APBA2: variants seen among roughly 807,000 people sequenced by gnomAD.
APBA2 encodes the protein amyloid-beta A4 precursor protein-binding family A member 2.
Under a neutral mutation model 75.0 loss-of-function variants are expected in APBA2, and 30 were observed. The observed-to-expected ratio is 0.40, with a 90% confidence interval of 0.30 to 0.54. The LOEUF is 0.54. APBA2 is among the 20% of genes least tolerant of loss of function. The pLI is 0.49. For synonymous variants in APBA2, 444 were observed against 409.6 expected, an observed-to-expected ratio of 1.08 and a Z score of -1.01; for missense variants, 801 against 1,016.1, an observed-to-expected ratio of 0.79 and a Z score of 2.88.
At position 29,046,540 on chromosome 15, in the gene APBA2, T is replaced by C. The variant is rs575806998; in HGVS notation, c.-40-7305T>C. On this transcript the variant is annotated intron_variant, in intron 3 of 14. Coordinates refer to ENST00000683413, the MANE Select transcript of APBA2 (RefSeq NM_001353788.2). This position sits in a 1 kb window ranked among gnomAD's most constrained non-coding sequence, Gnocchi z 5.0. Reference sequence around the variant, plus strand: ...TGACAAGGAGGTCAGATCCATTCCCTGGGCCGTCATCAGAGACCTGCAAGC... The same window carrying C: ...TGACAAGGAGGTCAGATCCATTCCCCGGGCCGTCATCAGAGACCTGCAAGC... Among the ~76,000 whole-genome samples, 5 of 152,342 alleles carry C rather than the reference T, an allele frequency of 3.3e-5. No individual in the cohort carries two copies. In the East Asian group the frequency reaches 9.6e-4, roughly 29 times the overall value.
rs2038206383 is a variant in APBA2 at position 28,991,140 on chromosome 15, T to C, written c.-94-4613T>C. On this transcript the variant is annotated intron_variant, in intron 2 of 14. Coordinates refer to ENST00000683413, the MANE Select transcript of APBA2 (RefSeq NM_001353788.2). This position sits in a 1 kb window ranked among gnomAD's most constrained non-coding sequence, Gnocchi z 4.7. ...ATTCAGAATTTAAACATTTTACTTG[T>C]AAAGAGCACTTTGGTATCCACCCCA... 6.6e-6 allele frequency among the ~76,000 whole-genome samples: 1 copy of C among 152,194 alleles called. No individual in the cohort carries two copies. The highest frequency in any genetic ancestry group is 2.4e-5 in the African/African-American group (1 of 41,442).
At position 29,074,916 on chromosome 15, in the gene APBA2, T is replaced by C; in HGVS notation, c.952-5T>C. The C allele has an allele frequency of 1.9e-6, 3 of 1,614,086 alleles. No individual in the cohort carries two copies. Among genetic ancestry groups the C allele is most frequent in the Non-Finnish European group, 2.5e-6 (3 of 1,179,916 alleles). On this transcript the variant is annotated splice_polypyrimidine_tract_variant and splice_region_variant and intron_variant, in intron 4 of 14. Transcript: ENST00000683413. ...AATCACGATCTTTAACTTCCCCGTT[T>C]CCAGGTTTGCAATGGTCTGGAGCAG...
intron 13 of APBA2, 165 bp downstream of exon 13, chr15:29,108,554 C>G: frequency 9.1e-7 from 1 of 1,100,494 alleles, no homozygotes; most frequent in Non-Finnish European, 1.3e-6. Context: ...CTTTCCATGG[C>G]TCTCTGGGAG....
intron 4 of APBA2, among the ~76,000 whole-genome samples, chr15:29,073,659 G>A (rs1442892815): frequency 6.6e-6 from 1 of 152,190 alleles, no homozygotes; most frequent in African/African-American, 2.4e-5. Flanking sequence ...GCTGGTAAAT[G>A]TAACTTTTAT....
chr15:29,060,571 A>G (rs2042088837), intron 4 of APBA2, among the ~76,000 whole-genome samples: 1 of 152,058 alleles, frequency 6.6e-6, no homozygotes, highest in African/African-American at 2.4e-5. Context: ...TGCTGTTGAA[A>G]GGCTTGGCGT....
intron 3 of APBA2, among the ~76,000 whole-genome samples, chr15:28,996,835 C>T (rs532809087): frequency 4.6e-5 from 7 of 152,176 alleles, no homozygotes; most frequent in Non-Finnish European, 7.4e-5. Flanking sequence ...GAACACCCCC[C>T]CTGCCTGACC....
intron 1 of APBA2, among the ~76,000 whole-genome samples, chr15:28,888,547 G>C (rs972640406): frequency 6.6e-6 from 1 of 152,226 alleles, no homozygotes; most frequent in Non-Finnish European, 1.5e-5. Context: ...GACTCAACAG[G>C]TGTGGGCCTC....
chr15:28,990,167 T>C (rs1357064727), intron 2 of APBA2, among the ~76,000 whole-genome samples: 1 of 152,172 alleles, frequency 6.6e-6, no homozygotes. Context: ...GTGGGCACTT[T>C]GGGAGGCTGA....
chr15:28,888,469 A>AC (rs1315366854), intron 1 of APBA2, among the ~76,000 whole-genome samples: 10 of 151,418 alleles, frequency 6.6e-5, no homozygotes. Flanking sequence ...GGCTTCAGAG[A>AC]CCCCCTCGAG....
intron 3 of APBA2, among the ~76,000 whole-genome samples, chr15:29,030,248 G>A (rs2040421525): frequency 1.3e-5 from 2 of 152,032 alleles, no homozygotes; most frequent in South Asian, 4.1e-4. Context: ...TCACGAAATC[G>A]GGGGATAGAG....
chr15:29,034,286 C>G (rs1566929588), intron 3 of APBA2, among the ~76,000 whole-genome samples: 1 of 152,206 alleles, frequency 6.6e-6, no homozygotes, highest in African/African-American at 2.4e-5. Flanking sequence ...CTCAAAGCCC[C>G]AACCCTCTAG....
At chr15:29,104,291 A>G (rs2044288027) in intron 10 of APBA2, among the ~76,000 whole-genome samples, 1 of 152,196 alleles carries the variant, frequency 6.6e-6, no homozygotes, top group African/African-American at 2.4e-5. Context: ...GCGCATAAGG[A>G]GGGCTCACAC....
intron 6 of APBA2, among the ~76,000 whole-genome samples, chr15:29,084,955 C>G (rs1254997398): frequency 6.6e-6 from 1 of 152,076 alleles, no homozygotes; most frequent in Non-Finnish European, 1.5e-5. Context: ...CAAAAACTTT[C>G]GTACATATTT....
chr15:28,986,727 A>G (rs2037946485), intron 2 of APBA2, among the ~76,000 whole-genome samples: 1 of 152,154 alleles, frequency 6.6e-6, no homozygotes. Context: ...TTGGCCTCCC[A>G]GAGTGTTCGG....
intron 1 of APBA2, among the ~76,000 whole-genome samples, chr15:28,887,868 C>T (rs36127356): frequency 0.45 from 67,780 of 151,720 alleles, 15,418 homozygotes; most frequent in Non-Finnish European, 0.47. Flanking sequence ...GATGGGGCAC[C>T]GAGTCTTCCC....
At chr15:28,968,037 T>A (rs2036835367) in intron 2 of APBA2, among the ~76,000 whole-genome samples, 1 of 152,256 alleles carries the variant, frequency 6.6e-6, no homozygotes. Flanking sequence ...GTAAGTGGAA[T>A]CCTACAATAT....
intron 2 of APBA2, among the ~76,000 whole-genome samples, chr15:28,986,188 C>A (rs1222353954): frequency 1.3e-5 from 2 of 152,214 alleles, no homozygotes; most frequent in South Asian, 4.1e-4. Flanking sequence ...GAAGCCATTC[C>A]CCGATCACCC....
intron 2 of APBA2, among the ~76,000 whole-genome samples, chr15:28,979,977 A>G (rs1020544838): frequency 1.3e-4 from 20 of 152,336 alleles, no homozygotes; most frequent in African/African-American, 4.6e-4. Context: ...AAGAAAATTT[A>G]TTTTTGAAAG....
chr15:28,998,354 T>G (rs189377017), intron 3 of APBA2, among the ~76,000 whole-genome samples: 7 of 152,278 alleles, frequency 4.6e-5, no homozygotes, highest in African/African-American at 1.4e-4. Flanking sequence ...TAAGCTGTAT[T>G]TAAATCACGG....
Sources: gnomAD v4.1 joint callset for allele counts (sites outside exome capture counted in the v4.1 genomes callset) on GRCh38, gnomAD v4.1.1 for gene constraint, Gnocchi (gnomAD v3.1) non-coding constraint, MANE v1.5 for transcripts, NCBI Gene and HGNC (gene_info 2026-07-23, HGNC 2026-07-21) for gene names.